PFKP: variants seen among roughly 807,000 people sequenced by gnomAD.
The protein encoded by PFKP is phosphofructokinase, platelet.
PFKP carries 101 observed loss-of-function variants against 94.3 expected under a neutral mutation model. The ratio of observed to expected loss-of-function variants is 1.07; its 90% confidence interval spans 0.91 to 1.26. The LOEUF (loss-of-function observed/expected upper bound fraction) is 1.26. PFKP is among the 50% of genes most tolerant of loss of function. PFKP has a pLI of 0.00. For synonymous variants in PFKP, 573 were observed against 432.6 expected, an observed-to-expected ratio of 1.32 and a Z score of -4.03; for missense variants, 1,145 against 1,103.3, an observed-to-expected ratio of 1.04 and a Z score of -0.53.
In PFKP at chr10:3,120,079, G is replaced by A. The variant is rs773753081; in HGVS notation, c.1683+35G>A. 9 of 1,608,094 alleles carry A rather than the reference G, an allele frequency of 5.6e-6. No homozygotes were observed. In the African/African-American group the frequency reaches 1.2e-4, roughly 21 times the overall value. On this transcript the variant is annotated intron_variant, in intron 16 of 21. Coordinates refer to ENST00000381125, the MANE Select transcript of PFKP (RefSeq NM_002627.5). ...TGTGCGCCCTGCCAGGCGGGCGCCG[G>A]CTGACGCTAACCCCGGGGCCCCGGC...
At chr10:3,070,535 T>C (rs1213859511) in intron 1 of PFKP, among the ~76,000 whole-genome samples, 3 of 152,210 alleles carry the variant, frequency 2.0e-5, no homozygotes, top group African/African-American at 7.2e-5. Flanking sequence ...ATAGCTACCA[T>C]TTGTTGAAAA....
intron 13 of PFKP, 142 bp from the exon 14 acceptor site, chr10:3,116,634 T>C: frequency 1.5e-6 from 1 of 676,770 alleles, no homozygotes; most frequent in Non-Finnish European, 2.7e-6. Context: ...CATCCGGGCA[T>C]CGTGATAAAT....
chr10:3,115,258 CTGGGGTGAAAGTGTGTGT>C (rs1457671087), intron 13 of PFKP, among the ~76,000 whole-genome samples: 7 of 146,794 alleles, frequency 4.8e-5, no homozygotes, highest in African/African-American at 7.4e-5. Flanking sequence ...ACTGGGGATG[CTGGGGTGAAAGTGTGTGT>C]CCCACGGCGG....
At chr10:3,126,041 C>T (rs1023985111) in intron 16 of PFKP, among the ~76,000 whole-genome samples, 1 of 152,192 alleles carries the variant, frequency 6.6e-6, no homozygotes, top group Admixed American at 6.5e-5. Flanking sequence ...CAGCCACTGG[C>T]CTTTACCTTA....
At chr10:3,100,760 C>G (rs1564297315) in intron 3 of PFKP, among the ~76,000 whole-genome samples, 1 of 150,644 alleles carries the variant, frequency 6.6e-6, no homozygotes, top group Non-Finnish European at 1.5e-5. Context: ...TTTTGGAAAA[C>G]CAAGTGTGAC....
At chr10:3,095,293 C>T (rs904640063) in intron 2 of PFKP, among the ~76,000 whole-genome samples, 8 of 91,056 alleles carry the variant, frequency 8.8e-5, no homozygotes, top group African/African-American at 2.3e-4. Flanking sequence ...ATGGATTCGG[C>T]GATTGCCTAA....
chr10:3,081,119 T>C (rs1833037130), intron 1 of PFKP, among the ~76,000 whole-genome samples: 1 of 152,222 alleles, frequency 6.6e-6, no homozygotes, highest in South Asian at 2.1e-4. Flanking sequence ...TATACATACA[T>C]GTTAGATACA....
intron 9 of PFKP, among the ~76,000 whole-genome samples, chr10:3,109,133 A>C (rs2306297): frequency 0.47 from 70,910 of 151,962 alleles, 16,888 homozygotes; most frequent in South Asian, 0.61. Flanking sequence ...ACAAACCCTC[A>C]GTTCTTAACA....
At chr10:3,077,726 ACT>A (rs1002680154) in intron 1 of PFKP, among the ~76,000 whole-genome samples, 7 of 152,120 alleles carry the variant, frequency 4.6e-5, no homozygotes, top group Non-Finnish European at 8.8e-5. Context: ...GCCAAGGATG[ACT>A]CTGACTCAAG....
chr10:3,089,556 A>G (rs1461973918), intron 2 of PFKP, among the ~76,000 whole-genome samples: 1 of 152,054 alleles, frequency 6.6e-6, no homozygotes, highest in Admixed American at 6.6e-5. Context: ...GGTAAGTAGC[A>G]TATCCATCAC....
intron 16 of PFKP, among the ~76,000 whole-genome samples, chr10:3,126,698 C>A (rs915534398): frequency 6.6e-6 from 1 of 152,262 alleles, no homozygotes; most frequent in African/African-American, 2.4e-5. Flanking sequence ...CTTTTTTCTA[C>A]GTTAATGCTG....
rs576698073 is a variant in PFKP, at chr10:3,070,612, G to T, written c.112+2905G>T. 3.3e-5 allele frequency among the ~76,000 whole-genome samples: 5 copies of T among 152,278 alleles called. No individual in the cohort carries two copies. The East Asian group carries it at 9.6e-4, about 29-fold the overall frequency. On this transcript the variant is annotated intron_variant, in intron 1 of 21. Transcript: ENST00000381125. ...CTAAATACATGATCCCAAGAGAGGC[G>T]TGTCCTCATTTTGGAAGTGGGGAGA...
intron 13 of PFKP, among the ~76,000 whole-genome samples, 156 bp downstream of exon 13, chr10:3,113,674 A>G (rs978409791): frequency 2.3e-5 from 3 of 130,940 alleles, no homozygotes; most frequent in Non-Finnish European, 5.1e-5. Flanking sequence ...CTGGAGTAAA[A>G]TCTCACCCTA....
intron 5 of PFKP, 101 bp from the exon 6 acceptor site, chr10:3,105,014 C>G: frequency 8.6e-7 from 1 of 1,158,982 alleles, no homozygotes; most frequent in Non-Finnish European, 1.3e-6. Context: ...GTCAAAGCCC[C>G]TTTTCTCTGC....
chr10:3,103,375 A>G (rs778384398), intron 4 of PFKP, among the ~76,000 whole-genome samples: 39 of 152,306 alleles, frequency 2.6e-4, no homozygotes, highest in Middle Eastern at 3.4e-3. Context: ...CGGCCAGGGC[A>G]GTGGCTCACA....
At chr10:3,078,319 TA>T (rs1205024006) in intron 1 of PFKP, among the ~76,000 whole-genome samples, 1 of 152,240 alleles carries the variant, frequency 6.6e-6, no homozygotes, top group African/African-American at 2.4e-5. Flanking sequence ...AGCCCGCCAG[TA>T]AATGCTGGTA....
rs1834995349 is a variant in PFKP, at chr10:3,101,528, G to A, written c.428G>A (p.Gly143Glu). Residue 143 changes from glycine (G) to glutamate (E), a missense_variant, in exon 4 of 22, where the codon GGG becomes GAG. Coordinates refer to ENST00000381125, the MANE Select transcript of PFKP (RefSeq NM_002627.5). ...GANLFRKEWS[G>E]LLEELARNGQ... ...AACCTCTTCCGGAAGGAGTGGAGTG[G>A]GCTGCTGGAGGAGCTGGCCAGGAAC... The A allele has an allele frequency of 1.3e-6, 2 of 1,561,956 alleles. No homozygotes were observed. The highest frequency in any genetic ancestry group is 1.7e-6 in the Non-Finnish European group (2 of 1,153,342).
chr10:3,100,672 C>T (rs557036115), intron 3 of PFKP, among the ~76,000 whole-genome samples: 3 of 152,142 alleles, frequency 2.0e-5, no homozygotes, highest in East Asian at 1.9e-4. Context: ...GGATCCCGTA[C>T]GGATGGAGTT....
chr10:3,119,559 T>G (rs551561891), intron 15 of PFKP, among the ~76,000 whole-genome samples: 1 of 152,068 alleles, frequency 6.6e-6, no homozygotes, highest in Admixed American at 6.6e-5. Flanking sequence ...GAGACGAGAT[T>G]GCACCACCTC....
Sources: gnomAD v4.1 joint callset for allele counts (sites outside exome capture counted in the v4.1 genomes callset) on GRCh38, gnomAD v4.1.1 for gene constraint, MANE v1.5 for transcripts, NCBI Gene and HGNC (gene_info 2026-07-23, HGNC 2026-07-21) for gene names.